Variants in ADD1 observed in about 807,000 individuals in gnomAD.
The protein encoded by ADD1 is adducin 1.
ADD1 carries 24 observed loss-of-function variants against 80.5 expected under a neutral mutation model. The observed-to-expected ratio is 0.30, with a 90% CI of 0.22 to 0.42. The LOEUF (loss-of-function observed/expected upper bound fraction) is 0.42, where lower values mean the gene tolerates loss of function less well. ADD1 is among the 10% of genes least tolerant of loss of function. The pLI, the probability that ADD1 is intolerant of heterozygous loss-of-function variation, is 1.00. For missense variants in ADD1, 948 were observed against 1,019.0 expected, an observed-to-expected ratio of 0.93 and a Z score of 0.95; for synonymous variants, 373 against 393.8, an observed-to-expected ratio of 0.95 and a Z score of 0.63.
chr4:2,885,287 C>T (rs562452622), intron 4 of ADD1, among the ~76,000 whole-genome samples: 48 of 152,270 alleles, frequency 3.2e-4, no homozygotes, highest in Non-Finnish European at 1.5e-5. Flanking sequence ...TTCTGAGTAG[C>T]GAAATCCTGC....
At position 2,882,693 on chromosome 4, in the gene ADD1, G is replaced by C. The variant is rs149211738; in HGVS notation, c.358+633G>C. The stretch of plus-strand genomic sequence containing the variant: ...ATCTGCTGACATTTGCTATTTACCT[G>C]TCTGCTCTGTGGTATTCTTAGAAGT... On this transcript the variant is annotated intron_variant, in intron 3 of 15. Transcript: ENST00000683351. Among the ~76,000 whole-genome samples, 167 of 152,296 alleles carry C rather than the reference G, an allele frequency of 1.1e-3. 1 individual carries two copies. Among genetic ancestry groups the C allele is most frequent in the Admixed American group, 3.6e-3 (55 of 15,284 alleles).
chr4:2,853,196 T>G (rs1727578349), intron 1 of ADD1: 1 of 151,248 alleles, frequency 6.6e-6, no homozygotes, highest in Non-Finnish European at 1.5e-5. Context: ...GCAACCTCTG[T>G]CTCCCAGGTT....
At chr4:2,880,819 C>T (rs1446676086) in intron 2 of ADD1, among the ~76,000 whole-genome samples, 1 of 151,726 alleles carries the variant, frequency 6.6e-6, no homozygotes, top group Non-Finnish European at 1.5e-5. Flanking sequence ...TATTTTAGTG[C>T]AGGTTGGGAA....
chr4:2,897,987 T>C (rs980447460), intron 6 of ADD1, among the ~76,000 whole-genome samples, 197 bp from the exon 7 acceptor site: 1 of 152,204 alleles, frequency 6.6e-6, no homozygotes, highest in Non-Finnish European at 1.5e-5. Context: ...TCTCCCAGTT[T>C]AGGGGTAGTT....
At chr4:2,863,710 C>T (rs910992925) in intron 1 of ADD1, among the ~76,000 whole-genome samples, 14 of 143,422 alleles carry the variant, frequency 9.8e-5, no homozygotes, top group Admixed American at 8.2e-4. Flanking sequence ...GCCATTACTA[C>T]ACCTTGTTTT....
chr4:2,856,584 G>GTTTT (rs35341139), intron 1 of ADD1, among the ~76,000 whole-genome samples: 9 of 105,782 alleles, frequency 8.5e-5, no homozygotes, highest in Non-Finnish European at 1.3e-4. Context: ...GGTTACTAGA[G>GTTTT]TTTTTTTTTT....
intron 1 of ADD1, among the ~76,000 whole-genome samples, chr4:2,851,238 A>G (rs1035073922): frequency 1.3e-5 from 2 of 152,184 alleles, no homozygotes; most frequent in Non-Finnish European, 2.9e-5. Flanking sequence ...TTGCCACTCA[A>G]GATGTGTGGC....
intron 1 of ADD1, among the ~76,000 whole-genome samples, chr4:2,874,311 G>A (rs1730904489): frequency 6.6e-6 from 1 of 152,090 alleles, no homozygotes; most frequent in Non-Finnish European, 1.5e-5. Context: ...TTGCCTTTAA[G>A]TTCTCGAAGT....
In ADD1 at chr4:2,864,797, A is replaced by T. The variant is rs1022267150; in HGVS notation, c.-20-11099A>T. Among the ~76,000 whole-genome samples the T allele has an allele frequency of 5.3e-5, 8 of 152,128 alleles. No homozygotes were observed. The East Asian group carries it at 1.5e-3, about 29-fold the overall frequency. ...TGCTCTCAGTGATGCTTATTATTTT[A>T]TTCACGTTCTTAATGGTTTGAGTTT... On this transcript the variant is annotated intron_variant, in intron 1 of 15. Transcript: ENST00000683351.
At chr4:2,908,818 G>T in intron 12 of ADD1, 1 of 584,098 alleles carries the variant, frequency 1.7e-6, no homozygotes. Flanking sequence ...CACCCCTCTG[G>T]TCATGCCCCT....
chr4:2,868,513 C>T (rs192615627), intron 1 of ADD1, among the ~76,000 whole-genome samples: 11 of 152,280 alleles, frequency 7.2e-5, no homozygotes, highest in Admixed American at 5.9e-4. Flanking sequence ...TATTTCCTGA[C>T]GATGCAGTTT....
intron 3 of ADD1, among the ~76,000 whole-genome samples, chr4:2,884,021 T>G (rs546214785): frequency 6.6e-6 from 1 of 152,362 alleles, no homozygotes; most frequent in South Asian, 2.1e-4. Flanking sequence ...GCTAGAGGTT[T>G]ATCTTATTTT....
chr4:2,904,926 C>T lies in ADD1; in HGVS notation c.1324C>T (p.Arg442Trp), dbSNP rs913024832. 2.0e-5 allele frequency: 32 copies of T among 1,614,002 alleles called. No individual in the cohort carries two copies. Among genetic ancestry groups the T allele is most frequent in the South Asian group, 5.5e-5 (5 of 91,078 alleles). ...CAGACACAGTTTTCAGAAGCAGCAG[C>T]GGGAGAAGACAAGATGGCTGAACTC... The part of the protein sequence containing the change: ...PLRHSFQKQQ[R>W]EKTRWLNSGR... Residue 442 changes from arginine (R) to tryptophan (W), a missense_variant, in exon 10 of 16, where the codon CGG (arginine) becomes TGG (tryptophan). By Grantham distance (101) the Arg-to-Trp change is moderately radical (BLOSUM62 -3). Coordinates refer to ENST00000683351, the MANE Select transcript of ADD1 (RefSeq NM_001354761.2).
intron 1 of ADD1, among the ~76,000 whole-genome samples, chr4:2,866,671 C>T (rs1293440860): frequency 2.0e-5 from 3 of 152,184 alleles, no homozygotes; most frequent in Non-Finnish European, 2.9e-5. Context: ...TAGCTCTTCC[C>T]GTGTTTACAT....
intron 14 of ADD1, among the ~76,000 whole-genome samples, chr4:2,920,595 G>A (rs1739838159): frequency 6.8e-6 from 1 of 146,538 alleles, no homozygotes; most frequent in African/African-American, 2.5e-5. Context: ...GCCCTGCTTT[G>A]TCTTTTTAAA....
In ADD1 at chr4:2,899,452, C is replaced by T; in HGVS notation, c.1161+17C>T. 6.2e-7 allele frequency: 1 copy of T among 1,613,990 alleles called. No homozygotes were observed. The highest frequency in any genetic ancestry group is 8.5e-7 in the Non-Finnish European group (1 of 1,179,886). On this transcript the variant is annotated intron_variant, in intron 9 of 15. Coordinates refer to ENST00000683351, the MANE Select transcript of ADD1 (RefSeq NM_001354761.2). ...GATAATCTGGTAAGAATGGTGCCAC[C>T]ACTTGATGATAAACCTTTTGTTCTA...
intron 1 of ADD1, among the ~76,000 whole-genome samples, chr4:2,855,553 C>G (rs2108803714): frequency 6.6e-6 from 1 of 151,472 alleles, no homozygotes; most frequent in African/African-American, 2.4e-5. Flanking sequence ...CTCCTAGATA[C>G]AGCAAAGGCA....
intron 4 of ADD1, among the ~76,000 whole-genome samples, chr4:2,891,124 T>A (rs11933979): frequency 0.51 from 74,224 of 145,376 alleles, 18,512 homozygotes; most frequent in African/African-American, 0.57. Context: ...GTCTCTATTT[T>A]AAAAAAAAAA....
intron 2 of ADD1, among the ~76,000 whole-genome samples, chr4:2,880,552 T>G (rs1732125876): frequency 7.5e-6 from 1 of 134,128 alleles, no homozygotes; most frequent in Non-Finnish European, 1.6e-5. Flanking sequence ...CTCAGCTCAC[T>G]GCAAGCTCCG....
Sources: gnomAD v4.1 joint callset for allele counts (sites outside exome capture counted in the v4.1 genomes callset) on GRCh38, gnomAD v4.1.1 for gene constraint, MANE v1.5 for transcripts, NCBI Gene and HGNC (gene_info 2026-07-23, HGNC 2026-07-21) for gene names.